The following PEPD variants were observed in gnomAD, a reference collection of about 807,000 sequenced individuals.
The protein encoded by PEPD is xaa-Pro dipeptidase.
Under a neutral mutation model 60.7 loss-of-function variants are expected in PEPD, and 53 were observed. The ratio of observed to expected loss-of-function variants is 0.87; its 90% confidence interval spans 0.70 to 1.10. The LOEUF (loss-of-function observed/expected upper bound fraction) is 1.10, where lower values mean the gene tolerates loss of function less well. Ranked by LOEUF, PEPD falls within the 50% of genes least tolerant of loss-of-function variation. PEPD has a pLI of 0.00. For missense variants in PEPD, 711 were observed against 711.9 expected, an observed-to-expected ratio of 1.00 and a Z score of 0.01; for synonymous variants, 267 against 284.1, an observed-to-expected ratio of 0.94 and a Z score of 0.60.
At chr19:33,394,135 C>T (rs1280543269) in intron 12 of PEPD, among the ~76,000 whole-genome samples, 1 of 152,260 alleles carries the variant, frequency 6.6e-6, no homozygotes, top group Non-Finnish European at 1.5e-5. Context: ...TCCCAACAGC[C>T]TGCAAAGTTG....
At chr19:33,400,564 C>G (rs1362826314) in intron 12 of PEPD, among the ~76,000 whole-genome samples, 1 of 152,260 alleles carries the variant, frequency 6.6e-6, no homozygotes, top group Non-Finnish European at 1.5e-5. Context: ...AGCTGCCGAA[C>G]AGATCTCAGT....
intron 9 of PEPD, among the ~76,000 whole-genome samples, chr19:33,460,881 TGGGATGG>T (rs961628889): frequency 2.0e-5 from 3 of 152,056 alleles, no homozygotes; most frequent in Non-Finnish European, 4.4e-5. Flanking sequence ...CCCAGGGTCT[TGGGATGG>T]GGGTGGAGGG....
chr19:33,479,703 A>C (rs927722659), intron 6 of PEPD, among the ~76,000 whole-genome samples: 2 of 152,208 alleles, frequency 1.3e-5, no homozygotes, highest in African/African-American at 2.4e-5. Flanking sequence ...TAGTTTGCTG[A>C]GGATAACAGC....
At chr19:33,448,304 G>A (rs1177188943) in intron 9 of PEPD, among the ~76,000 whole-genome samples, 1 of 152,170 alleles carries the variant, frequency 6.6e-6, no homozygotes, top group Non-Finnish European at 1.5e-5. Flanking sequence ...CCCAGGACTT[G>A]GAGCCACGCC....
intron 9 of PEPD, among the ~76,000 whole-genome samples, chr19:33,437,123 G>T (rs1969392998): frequency 6.6e-6 from 1 of 152,098 alleles, no homozygotes; most frequent in South Asian, 2.1e-4. Flanking sequence ...CGGCCCAGGA[G>T]CCTAAAGAAG....
chr19:33,437,117 C>A (rs1969392764), intron 9 of PEPD, among the ~76,000 whole-genome samples: 1 of 152,020 alleles, frequency 6.6e-6, no homozygotes, highest in African/African-American at 2.4e-5. Context: ...AGAACACGGC[C>A]CAGGAGCCTA....
chr19:33,479,995 T>A lies in PEPD; in HGVS notation c.504-1905A>T, dbSNP rs1215099482. On this transcript the variant is annotated intron_variant, in intron 6 of 14. Transcript: ENST00000244137. ...TTAGGTCTTTGCGGAATTGCCACGC[T>A]GTCTTCCACAATGGTTTAACTAATT... is the stretch of plus-strand genomic sequence containing the variant. 2.0e-5 allele frequency among the ~76,000 whole-genome samples: 3 copies of A among 152,264 alleles called. No homozygotes were observed. The South Asian group carries it at 6.2e-4, about 31-fold the overall frequency.
chr19:33,441,722 G>A (rs1274100445), intron 9 of PEPD, among the ~76,000 whole-genome samples: 1 of 152,240 alleles, frequency 6.6e-6, no homozygotes, highest in Non-Finnish European at 1.5e-5. Flanking sequence ...GTGGCTGGGG[G>A]ATCTGAGCCC....
intron 12 of PEPD, among the ~76,000 whole-genome samples, chr19:33,398,879 C>T (rs1182853315): frequency 6.6e-6 from 1 of 152,230 alleles, no homozygotes; most frequent in Non-Finnish European, 1.5e-5. Flanking sequence ...CTCCCTCTTC[C>T]TTTTACCCAC....
chr19:33,508,816 G>A (rs929510218), intron 3 of PEPD, among the ~76,000 whole-genome samples: 19 of 152,230 alleles, frequency 1.2e-4, no homozygotes, highest in African/African-American at 4.1e-4. Context: ...TGCAGACAGC[G>A]AGTGTCCAGA....
At chr19:33,501,497 G>A (rs188617515) in intron 3 of PEPD, among the ~76,000 whole-genome samples, 2 of 152,120 alleles carry the variant, frequency 1.3e-5, no homozygotes, top group African/African-American at 2.4e-5. Context: ...TGGCTAACAC[G>A]GTGAAACCCC....
At chr19:33,426,153 G>A (rs1031727741) in intron 9 of PEPD, among the ~76,000 whole-genome samples, 5 of 152,120 alleles carry the variant, frequency 3.3e-5, no homozygotes, top group African/African-American at 7.2e-5. Flanking sequence ...ATGTTTGGCA[G>A]AGGATCTCAG....
intron 9 of PEPD, among the ~76,000 whole-genome samples, chr19:33,447,177 C>G (rs1437015761): frequency 2.0e-5 from 3 of 152,352 alleles, no homozygotes; most frequent in Non-Finnish European, 4.4e-5. Context: ...GCAATCACCA[C>G]TCACCAATGA....
At position 33,401,736 on chromosome 19, in the gene PEPD, C is replaced by A; in HGVS notation, c.952G>T (p.Gly318Cys). 6.2e-7 allele frequency: 1 copy of A among 1,608,350 alleles called. No homozygotes were observed. The highest frequency in any genetic ancestry group is 8.5e-7 in the Non-Finnish European group (1 of 1,177,898). The part of the protein sequence containing the change: ...AVLRSSRAVM[G>C]AMKPGVWWPD... Reference sequence around the variant, plus strand: ...CGCTGCTCACCTGGCTTCATGGCACCCATGACGGCACGGGAGCTCCGCAGC... The same window carrying A: ...CGCTGCTCACCTGGCTTCATGGCACACATGACGGCACGGGAGCTCCGCAGC... The change falls in exon 12 of 15, where the codon GGT becomes TGT. Residue 318 changes from glycine to cysteine, a missense_variant. Physicochemically the swap from Gly to Cys is radical, Grantham distance 159 (BLOSUM62 -3). Coordinates refer to ENST00000244137, the MANE Select transcript of PEPD (RefSeq NM_000285.4).
intron 7 of PEPD, among the ~76,000 whole-genome samples, chr19:33,473,710 A>T (rs993878273): frequency 6.6e-6 from 1 of 152,200 alleles, no homozygotes; most frequent in Non-Finnish European, 1.5e-5. Flanking sequence ...CATCTGCAAA[A>T]CAGTAAAGCA....
At chr19:33,401,228 T>C (rs1056845390) in intron 12 of PEPD, among the ~76,000 whole-genome samples, 2 of 152,178 alleles carry the variant, frequency 1.3e-5, no homozygotes, top group African/African-American at 4.8e-5. Context: ...GCCTTGCAGG[T>C]GCTTTACACA....
intron 11 of PEPD, among the ~76,000 whole-genome samples, chr19:33,409,537 T>A (rs1370908224): frequency 6.6e-6 from 1 of 152,176 alleles, no homozygotes; most frequent in African/African-American, 2.4e-5. Context: ...TAGCTGGGCA[T>A]GGTGGCTTGT....
chr19:33,500,895 G>A (rs1568504666), intron 4 of PEPD, 43 bp downstream of exon 4: 1 of 1,161,570 alleles, frequency 8.6e-7, no homozygotes. Context: ...TGGAAGGCAT[G>A]CTGGAAGCCC....
chr19:33,471,827 T>C (rs774570548), intron 7 of PEPD, among the ~76,000 whole-genome samples: 3 of 152,142 alleles, frequency 2.0e-5, no homozygotes, highest in African/African-American at 4.8e-5. Flanking sequence ...GAGGCCAGCC[T>C]GGGCATCACA....
Sources: gnomAD v4.1 joint callset for allele counts (sites outside exome capture counted in the v4.1 genomes callset) on GRCh38, gnomAD v4.1.1 for gene constraint, MANE v1.5 for transcripts, NCBI Gene and HGNC (gene_info 2026-07-23, HGNC 2026-07-21) for gene names.